Variants in TYW5 observed in about 807,000 individuals in gnomAD.
The protein encoded by TYW5 is tRNA wybutosine-synthesizing protein 5.
A neutral mutation model predicts 44.4 loss-of-function variants in TYW5; 36 were observed. That is an observed-to-expected ratio of 0.81 (90% CI 0.62 to 1.07). TYW5 has a LOEUF of 1.07. TYW5 is among the 50% of genes least tolerant of loss of function. The probability of loss-of-function intolerance (pLI) is 0.00; values close to 1 mark genes in which losing one functional copy is unlikely to be tolerated. For missense variants in TYW5, 354 were observed against 365.7 expected (o/e 0.97, Z 0.26); for synonymous variants, 121 against 128.1 (o/e 0.94, Z 0.37).
chr2:199,948,154 G>A, intron 2 of TYW5, 164 bp downstream of exon 2: 2 of 649,466 alleles, frequency 3.1e-6, no homozygotes, highest in Non-Finnish European at 5.1e-6. Context: ...CAGAACTCTT[G>A]TCTTTTAAAA....
intron 3 of TYW5, among the ~76,000 whole-genome samples, chr2:199,940,615 G>GAA (rs199517987): frequency 6.5e-5 from 7 of 107,698 alleles, no homozygotes; most frequent in Admixed American, 9.4e-5. Context: ...TTTCAAAAAA[G>GAA]AAAAAAAAAA....
Position 199,929,091 on chromosome 2 carries a change from A to G in TYW5, c.*3976T>C, listed in dbSNP as rs947646225. 3.3e-5 allele frequency among the ~76,000 whole-genome samples: 5 copies of G among 152,192 alleles called. No homozygotes were observed. The highest frequency in any genetic ancestry group is 1.2e-4 in the African/African-American group (5 of 41,448). On this transcript the variant is annotated 3_prime_UTR_variant, in exon 8 of 8. Coordinates refer to ENST00000354611, the MANE Select transcript of TYW5 (RefSeq NM_001039693.3). ...CTCTTTACAAAGGAAGAGACCCAGC[A>G]GCTTTTAAGCCAGTTAGTGGTAGAG...
chr2:199,952,012 G>A (rs887081918), intron 1 of TYW5, among the ~76,000 whole-genome samples: 12 of 147,172 alleles, frequency 8.2e-5, no homozygotes, highest in South Asian at 2.1e-4. Flanking sequence ...GCAAGACTCC[G>A]TCTCAAAAAA....
chr2:199,940,244 AG>A (rs2077453262), intron 3 of TYW5, 111 bp from the exon 4 acceptor site: 3 of 974,532 alleles, frequency 3.1e-6, no homozygotes, highest in Non-Finnish European at 4.6e-6. Flanking sequence ...AGTAAAAAAA[AG>A]AATTATGTAC....
chr2:199,945,515 A>G (rs973796412), intron 2 of TYW5: 1 of 152,350 alleles, frequency 6.6e-6, no homozygotes, highest in South Asian at 2.1e-4. Context: ...ACTAACTAAT[A>G]TCAACAAATT....
chr2:199,935,208 C>G (rs1001059872), intron 7 of TYW5, among the ~76,000 whole-genome samples: 2 of 151,616 alleles, frequency 1.3e-5, no homozygotes, highest in Non-Finnish European at 2.9e-5. Context: ...TAAAGTGTCC[C>G]ACTTTGAAAA....
intron 1 of TYW5, among the ~76,000 whole-genome samples, chr2:199,954,152 G>GAGCAGTGGCAGGATCATGGATCACTGC (rs2077573010): frequency 6.6e-6 from 1 of 151,700 alleles, no homozygotes; most frequent in Non-Finnish European, 1.5e-5. Context: ...GCCCATGCTG[G>GAGCAGTGGCAGGATCATGGATCACTGC]AGCAGTGGCA....
Position 199,930,866 on chromosome 2 carries a change from G to A in TYW5, c.*2201C>T, listed in dbSNP as rs948682109. ...TTAAGCAATCTGGGTTGGTTAGATG[G>A]CTTCTAAGATCTCTTTCAATAAAAA... On this transcript the variant is annotated 3_prime_UTR_variant, in exon 8 of 8. Transcript: ENST00000354611. 2.0e-5 allele frequency: 3 copies of A among 152,160 alleles called. No homozygotes were observed. Among genetic ancestry groups the A allele is most frequent in the African/African-American group, 7.2e-5 (3 of 41,426 alleles). The allele number at this position is 152,160 out of a possible 1,614,324, so 9.4% of individuals were successfully genotyped here. A position where few individuals can be genotyped will look rare whatever the true frequency, so the allele number is the denominator to read the frequency against.
At position 199,935,948 on chromosome 2, in the gene TYW5, T is replaced by A. The variant is rs2077417097; in HGVS notation, c.674A>T (p.Asp225Val). 1 of 1,610,272 alleles carries A rather than the reference T, an allele frequency of 6.2e-7. No individual in the cohort carries two copies. Among genetic ancestry groups the A allele is most frequent in the Non-Finnish European group, 8.5e-7 (1 of 1,177,224 alleles). ...AATCTTACCAGGAATGAATAATACATCACCAGCTTCAAGGGAACATTCATA... is the reference window on the plus strand; with the variant it reads ...AATCTTACCAGGAATGAATAATACAACACCAGCTTCAAGGGAACATTCATA... ...RRYECSLEAGDVLFIPALWFH... is the reference protein window; with the variant it reads ...RRYECSLEAGVVLFIPALWFH... The change falls in exon 7 of 8, where the codon GAT becomes GTT. Residue 225 changes from aspartate to valine, a missense_variant. Coordinates refer to ENST00000354611, the MANE Select transcript of TYW5 (RefSeq NM_001039693.3).
chr2:199,940,203 G>T, intron 3 of TYW5, 70 bp from the exon 4 acceptor site: 2 of 1,362,114 alleles, frequency 1.5e-6, no homozygotes, highest in Non-Finnish European at 2.1e-6. Flanking sequence ...ACTAGGATTT[G>T]TATAGCTATC....
At chr2:199,942,151 C>G (rs1442475704) in intron 3 of TYW5, 1 of 151,796 alleles carries the variant, frequency 6.6e-6, no homozygotes, top group African/African-American at 2.4e-5. Flanking sequence ...ACTGCAAGCT[C>G]CGCCTCCCGG....
At chr2:199,950,264 A>G (rs2077534566) in intron 1 of TYW5, among the ~76,000 whole-genome samples, 1 of 152,234 alleles carries the variant, frequency 6.6e-6, no homozygotes, top group Admixed American at 6.5e-5. Context: ...TTCAAGGTTC[A>G]TTATAATCTA....
chr2:199,951,100 GA>G (rs1202463912), intron 1 of TYW5, among the ~76,000 whole-genome samples: 7 of 152,160 alleles, frequency 4.6e-5, no homozygotes, highest in Non-Finnish European at 2.9e-5. Flanking sequence ...TTTAAGATTA[GA>G]AATGTTTTGG....
intron 5 of TYW5, among the ~76,000 whole-genome samples, chr2:199,937,680 A>C (rs981818762): frequency 6.6e-6 from 1 of 152,148 alleles, no homozygotes; most frequent in East Asian, 1.9e-4. Context: ...AAAAACAACA[A>C]CAACAATCAT....
Position 199,939,052 on chromosome 2 carries a change from T to G in TYW5, c.367A>C (p.Lys123Gln). The change falls in exon 5 of 8, where the codon AAG becomes CAG. Residue 123 changes from lysine to glutamine, a missense_variant. Physicochemically the swap from Lys to Gln is moderately conservative, Grantham distance 53. Transcript: ENST00000354611. ...TCTCCTTTCAACAAAGGAAACTGCT[T>G]TCTGATATCTGCAACATCCTGCATT... Reference protein sequence around the residue: ...DPRKDVADIRKQFPLLKGDIK... With the variant: ...DPRKDVADIRQQFPLLKGDIK... 1 of 1,610,290 alleles carries G rather than the reference T, an allele frequency of 6.2e-7. No individual in the cohort carries two copies. Among genetic ancestry groups the G allele is most frequent in the Non-Finnish European group, 8.5e-7 (1 of 1,178,956 alleles).
intron 1 of TYW5, 40 bp downstream of exon 1, chr2:199,955,353 C>G: frequency 6.2e-7 from 1 of 1,603,924 alleles, no homozygotes; most frequent in Non-Finnish European, 8.5e-7. Context: ...ACGTGTCTCT[C>G]GCTGGTTTCT....
chr2:199,939,503 A>C (rs2077448364), intron 4 of TYW5, among the ~76,000 whole-genome samples: 1 of 152,228 alleles, frequency 6.6e-6, no homozygotes, highest in Non-Finnish European at 1.5e-5. Context: ...CATTAATAGA[A>C]AGGTTCTTTC....
chr2:199,943,604 TAATA>T, intron 3 of TYW5, 157 bp downstream of exon 3: 1 of 574,452 alleles, frequency 1.7e-6, no homozygotes. Context: ...GTTTGAGAGC[TAATA>T]AATAGCAGAG....
intron 6 of TYW5, 29 bp from the exon 7 acceptor site, chr2:199,936,076 G>C: frequency 8.0e-7 from 1 of 1,249,304 alleles, no homozygotes; most frequent in Non-Finnish European, 1.2e-6. Context: ...GGATAATATA[G>C]ATTCAGCAAA....
Sources: gnomAD v4.1 joint callset for allele counts (sites outside exome capture counted in the v4.1 genomes callset) on GRCh38, gnomAD v4.1.1 for gene constraint, MANE v1.5 for transcripts, NCBI Gene and HGNC (gene_info 2026-07-23, HGNC 2026-07-21) for gene names.